SPHKAP: variants seen among roughly 807,000 people sequenced by gnomAD.
The protein encoded by SPHKAP is SPHK1 interactor, AKAP domain containing, also known as A-kinase anchor protein SPHKAP.
SPHKAP carries 67 observed loss-of-function variants against 137.5 expected under a neutral mutation model. The observed-to-expected ratio is 0.49, with a 90% CI of 0.40 to 0.60. SPHKAP has a LOEUF of 0.60. SPHKAP is among the 20% of genes least tolerant of loss of function. The pLI, the probability that SPHKAP is intolerant of heterozygous loss-of-function variation, is 0.00. For synonymous variants in SPHKAP, 813 were observed against 785.3 expected (o/e 1.04, Z -0.59); for missense variants, 2,097 against 2,069.3 (o/e 1.01, Z -0.26).
At position 228,019,774 on chromosome 2, in the gene SPHKAP, T is replaced by C; in HGVS notation, c.1080A>G (p.Ala360=). Reference sequence around the variant, plus strand: ...CTGGGTTTAGGTTGCTTCTCTGCTCTGCCACAGCACATGCAGAAGGTACAT... The same window carrying C: ...CTGGGTTTAGGTTGCTTCTCTGCTCCGCCACAGCACATGCAGAAGGTACAT... ...DKDVPSACAV[A]EQRSNLNPGD... Residue 360 remains alanine, a synonymous_variant, in exon 7 of 12, where the codon GCA becomes GCG. Transcript: ENST00000392056. The C allele has an allele frequency of 6.2e-7, 1 of 1,614,126 alleles. No homozygotes were observed. The highest frequency in any genetic ancestry group is 1.1e-5 in the South Asian group (1 of 91,070).
At chr2:228,108,350 C>T (rs997086860) in intron 3 of SPHKAP, among the ~76,000 whole-genome samples, 3 of 151,910 alleles carry the variant, frequency 2.0e-5, no homozygotes, top group East Asian at 1.9e-4. Flanking sequence ...TAAGGCTCAG[C>T]GTCAATATAT....
Position 228,018,751 on chromosome 2 carries a change from A to G in SPHKAP, c.2103T>C (p.Ile701=), listed in dbSNP as rs1694713651. Residue 701 remains isoleucine (I), a synonymous_variant, in exon 7 of 12, where the codon ATT becomes ATC. Coordinates refer to ENST00000392056, the MANE Select transcript of SPHKAP (RefSeq NM_001142644.2). ...DPNDNRHSSE[I]LDTLMESTNQ... ...TTGTACTTTCCATTAAGGTGTCCAG[A>G]ATTTCAGATGAATGCCTGTTGTCAT... 6.2e-7 allele frequency: 1 copy of G among 1,614,200 alleles called. No homozygotes were observed.
chr2:228,023,596 G>A (rs16824315), intron 5 of SPHKAP, among the ~76,000 whole-genome samples: 58,207 of 152,048 alleles, frequency 0.38, 11,602 homozygotes, highest in South Asian at 0.51. Context: ...ACTACACTAA[G>A]CTGAAACTTA....
chr2:228,096,535 C>G (rs1257632044), intron 3 of SPHKAP, among the ~76,000 whole-genome samples: 1 of 152,028 alleles, frequency 6.6e-6, no homozygotes, highest in South Asian at 2.1e-4. Context: ...AAAACTGCAT[C>G]CCACGAGTAC....
intron 1 of SPHKAP, among the ~76,000 whole-genome samples, chr2:228,175,291 A>T (rs1700705549): frequency 6.7e-6 from 1 of 148,706 alleles, no homozygotes; most frequent in Non-Finnish European, 1.5e-5. Flanking sequence ...GAATAAATGA[A>T]GGTTTTTTTT....
At chr2:228,126,543 G>A (rs1208395598) in intron 2 of SPHKAP, among the ~76,000 whole-genome samples, 1 of 152,004 alleles carries the variant, frequency 6.6e-6, no homozygotes, top group East Asian at 1.9e-4. Context: ...TAAAAAAGAG[G>A]GAGAGAAAAG....
At position 227,983,929 on chromosome 2, in the gene SPHKAP, T is replaced by A. The variant is rs184551363; in HGVS notation, c.4960-2069A>T. The stretch of plus-strand genomic sequence containing the variant: ...TGAGTGGGAATATACGTTGTGGGGG[T>A]GAGATGTGGGGCTGCTTCATGCTCA... On this transcript the variant is annotated intron_variant, in intron 11 of 11. Coordinates refer to ENST00000392056, the MANE Select transcript of SPHKAP (RefSeq NM_001142644.2). Among the ~76,000 whole-genome samples, 10 of 151,352 alleles carry A rather than the reference T, an allele frequency of 6.6e-5. No homozygotes were observed. The East Asian group carries it at 1.9e-3, about 29-fold the overall frequency.
At chr2:228,087,413 A>G (rs1697573560) in intron 3 of SPHKAP, among the ~76,000 whole-genome samples, 1 of 152,224 alleles carries the variant, frequency 6.6e-6, no homozygotes, top group Non-Finnish European at 1.5e-5. Context: ...AAATAAGAAC[A>G]TGTAACCCAT....
chr2:228,018,151 C>G lies in SPHKAP; in HGVS notation c.2703G>C (p.Leu901=). 1.2e-6 allele frequency: 2 copies of G among 1,614,180 alleles called. 1 individual carries two copies. The highest frequency in any genetic ancestry group is 4.5e-5 in the East Asian group (2 of 44,866). ...TSRINEVQVN[L]SLLGDDLLLP... ...GCAGCAGGTCATCCCCTAACAAGGA[C>G]AGGTTGACTTGAACTTCGTTGATGC... The change falls in exon 7 of 12, where the codon CTG becomes CTC. Residue 901 remains leucine, a synonymous_variant. Coordinates refer to ENST00000392056, the MANE Select transcript of SPHKAP (RefSeq NM_001142644.2).
At chr2:228,110,582 CAG>C (rs1698487505) in intron 2 of SPHKAP, among the ~76,000 whole-genome samples, 1 of 152,134 alleles carries the variant, frequency 6.6e-6, no homozygotes, top group South Asian at 2.1e-4. Context: ...TGAAATCTTT[CAG>C]AGAGTGCAGC....
In SPHKAP at chr2:228,088,723, T is replaced by C. The variant is rs113128809; in HGVS notation, c.246+20109A>G. ...GAGTGAGTTCTCAGTTTATATGAGA[T>C]CTGGTTGTTTAAAAGAGCATGGCAC... On this transcript the variant is annotated intron_variant, in intron 3 of 11. Transcript: ENST00000392056. Among the ~76,000 whole-genome samples the C allele has an allele frequency of 5.9e-5, 9 of 152,228 alleles. 1 individual carries two copies. The highest frequency in any genetic ancestry group is 2.2e-4 in the African/African-American group (9 of 41,546).
At chr2:227,990,653 T>C (rs1486546568) in intron 11 of SPHKAP, among the ~76,000 whole-genome samples, 1 of 152,202 alleles carries the variant, frequency 6.6e-6, no homozygotes. Flanking sequence ...GTTTCTGTTA[T>C]ATATCAGGTT....
At chr2:228,049,757 T>C (rs1331685646) in intron 3 of SPHKAP, among the ~76,000 whole-genome samples, 1 of 152,236 alleles carries the variant, frequency 6.6e-6, no homozygotes, top group Non-Finnish European at 1.5e-5. Context: ...TATTTGGTTT[T>C]ATGTTCCTGC....
intron 1 of SPHKAP, among the ~76,000 whole-genome samples, chr2:228,162,071 T>C (rs1700291567): frequency 6.6e-6 from 1 of 152,202 alleles, no homozygotes; most frequent in African/African-American, 2.4e-5. Flanking sequence ...GAATTTGCTT[T>C]GTTTTTATTT....
chr2:228,119,047 C>T (rs1346204774), intron 2 of SPHKAP, among the ~76,000 whole-genome samples: 1 of 152,132 alleles, frequency 6.6e-6, no homozygotes, highest in Non-Finnish European at 1.5e-5. Context: ...TAAAGTATAT[C>T]TTGGCAGGCC....
intron 8 of SPHKAP, chr2:227,993,953 G>A (rs1165110527): frequency 1.2e-5 from 8 of 685,578 alleles, no homozygotes; most frequent in African/African-American, 7.8e-5. Context: ...TTCTAGTTAC[G>A]GTGAAGGTAT....
At chr2:228,033,743 C>T (rs1372230985) in intron 3 of SPHKAP, among the ~76,000 whole-genome samples, 1 of 152,168 alleles carries the variant, frequency 6.6e-6, no homozygotes, top group African/African-American at 2.4e-5. Flanking sequence ...AACCACTCAA[C>T]TACATGGAAA....
chr2:228,030,727 T>C (rs1695276856), intron 3 of SPHKAP, among the ~76,000 whole-genome samples: 1 of 55,596 alleles, frequency 1.8e-5, no homozygotes, highest in African/African-American at 8.6e-5. Flanking sequence ...CTCCATAATA[T>C]TTTTTTTTTT....
chr2:228,045,847 C>T (rs77653773), intron 3 of SPHKAP, among the ~76,000 whole-genome samples: 5,464 of 151,890 alleles, frequency 0.036, 316 homozygotes, highest in African/African-American at 0.12. Context: ...CTCATTTATA[C>T]GTGAAATCTA....
Sources: gnomAD v4.1 joint callset for allele counts (sites outside exome capture counted in the v4.1 genomes callset) on GRCh38, gnomAD v4.1.1 for gene constraint, MANE v1.5 for transcripts, NCBI Gene and HGNC (gene_info 2026-07-23, HGNC 2026-07-21) for gene names.